Variants in NXPH1 observed in about 807,000 individuals in gnomAD.
The protein encoded by NXPH1 is neurexophilin-1.
In NXPH1, 5 loss-of-function variants were observed where a neutral mutation model predicts 23.7. The ratio of observed to expected loss-of-function variants is 0.21; its 90% confidence interval spans 0.11 to 0.44. The LOEUF (loss-of-function observed/expected upper bound fraction) is 0.44. Among genes scored for constraint, NXPH1 ranks in the 20% least tolerant of loss-of-function variants. The pLI is 0.99. For synonymous variants in NXPH1, 144 were observed against 122.2 expected (o/e 1.18, Z -1.18); for missense variants, 324 against 321.6 (o/e 1.01, Z -0.06).
At chr7:8,564,163 G>A (rs1441517862) in intron 2 of NXPH1, among the ~76,000 whole-genome samples, 1 of 151,816 alleles carries the variant, frequency 6.6e-6, no homozygotes, top group East Asian at 2.0e-4. Context: ...CAATCACCTT[G>A]CCATCCGCTT....
intron 2 of NXPH1, among the ~76,000 whole-genome samples, chr7:8,573,625 G>A (rs1249183676): frequency 6.6e-6 from 1 of 152,124 alleles, no homozygotes; most frequent in Non-Finnish European, 1.5e-5. Context: ...GCTCTTAAAT[G>A]CCAAACTAAT....
At chr7:8,707,071 A>T (rs973481076) in intron 2 of NXPH1, among the ~76,000 whole-genome samples, 2 of 152,218 alleles carry the variant, frequency 1.3e-5, no homozygotes, top group Non-Finnish European at 2.9e-5. Context: ...AAATATTTTA[A>T]TATGTTTTAA....
intron 2 of NXPH1, among the ~76,000 whole-genome samples, chr7:8,545,550 T>C (rs1439531432): frequency 1.3e-5 from 2 of 151,472 alleles, no homozygotes. Flanking sequence ...CTAATTAAAA[T>C]AAAACAAAAT....
intron 2 of NXPH1, among the ~76,000 whole-genome samples, chr7:8,748,954 T>C (rs1780518810): frequency 6.6e-6 from 1 of 152,192 alleles, no homozygotes; most frequent in Admixed American, 6.6e-5. Flanking sequence ...AGGAGACTGC[T>C]TCTTGGCTTG....
intron 2 of NXPH1, among the ~76,000 whole-genome samples, chr7:8,508,624 T>A (rs187545252): frequency 6.6e-6 from 1 of 152,150 alleles, no homozygotes; most frequent in African/African-American, 2.4e-5. Flanking sequence ...ATTTGTGAGA[T>A]CTCATATTTG....
chr7:8,628,385 T>TC (rs1265965735), intron 2 of NXPH1, among the ~76,000 whole-genome samples: 3 of 147,936 alleles, frequency 2.0e-5, no homozygotes, highest in Non-Finnish European at 3.0e-5. Flanking sequence ...TTTTTTTTTT[T>TC]AGATAATGTA....
chr7:8,469,197 GA>G (rs1205228636), intron 2 of NXPH1, among the ~76,000 whole-genome samples: 2 of 151,886 alleles, frequency 1.3e-5, no homozygotes, highest in Non-Finnish European at 2.9e-5. Flanking sequence ...CCATTATAGT[GA>G]TTTTTTTGGG....
chr7:8,653,227 C>CTT (rs1229838157), intron 2 of NXPH1, among the ~76,000 whole-genome samples: 4 of 152,008 alleles, frequency 2.6e-5, no homozygotes, highest in Non-Finnish European at 1.5e-5. Flanking sequence ...TACTATCACT[C>CTT]TTTTTAAAAA....
At chr7:8,584,812 TTATTACCTATCTCAGTGGCCTTTTCAC>T (rs2128624366) in intron 2 of NXPH1, among the ~76,000 whole-genome samples, 2 of 152,348 alleles carry the variant, frequency 1.3e-5, no homozygotes, top group East Asian at 3.9e-4. Flanking sequence ...CCATTTCAAA[TTATTACCTATCTCAGTGGCCTTTTCAC>T]ATTATTCACA....
intron 2 of NXPH1, among the ~76,000 whole-genome samples, chr7:8,526,145 A>C (rs1344462559): frequency 6.6e-6 from 1 of 152,270 alleles, no homozygotes; most frequent in Non-Finnish European, 1.5e-5. Flanking sequence ...CACTTCTTGC[A>C]TCAGCGTGAG....
chr7:8,568,261 A>G (rs1018733453), intron 2 of NXPH1, among the ~76,000 whole-genome samples: 9 of 151,892 alleles, frequency 5.9e-5, no homozygotes, highest in Non-Finnish European at 1.3e-4. Flanking sequence ...TTTCCCTTGT[A>G]TGTCTCTCTT....
At chr7:8,552,114 CAAAAAAAAAA>C (rs34390317) in intron 2 of NXPH1, among the ~76,000 whole-genome samples, 2 of 61,750 alleles carry the variant, frequency 3.2e-5, no homozygotes, top group African/African-American at 1.4e-4. Context: ...GAAAAAAAAC[CAAAAAAAAAA>C]AAAAAAAAAA....
intron 2 of NXPH1, among the ~76,000 whole-genome samples, chr7:8,662,170 T>TTATATA (rs57298280): frequency 4.8e-4 from 40 of 83,716 alleles, no homozygotes; most frequent in African/African-American, 1.5e-3. Flanking sequence ...GCATATGATT[T>TTATATA]TATATATATA....
intron 2 of NXPH1, among the ~76,000 whole-genome samples, chr7:8,726,798 G>A (rs1457749671): frequency 4.0e-5 from 6 of 150,712 alleles, no homozygotes; most frequent in Non-Finnish European, 7.4e-5. Context: ...ATAAACATAC[G>A]TGTGCATGTG....
chr7:8,495,421 C>T (rs936024034), intron 2 of NXPH1, among the ~76,000 whole-genome samples: 8 of 151,836 alleles, frequency 5.3e-5, no homozygotes, highest in Non-Finnish European at 1.0e-4. Flanking sequence ...ACCAAACAAC[C>T]GAACACCATG....
At chr7:8,595,577 T>C (rs971551922) in intron 2 of NXPH1, among the ~76,000 whole-genome samples, 44 of 152,124 alleles carry the variant, frequency 2.9e-4, no homozygotes, top group Admixed American at 3.3e-4. Flanking sequence ...TTTAATCTGC[T>C]AGGCATTTGT....
At chr7:8,448,588 G>A (rs1211283726) in intron 2 of NXPH1, among the ~76,000 whole-genome samples, 5 of 152,098 alleles carry the variant, frequency 3.3e-5, no homozygotes, top group Admixed American at 6.5e-5. Context: ...AGGCCGAGGC[G>A]GGCGGATTGC....
At chr7:8,477,860 A>G (rs1817003713) in intron 2 of NXPH1, among the ~76,000 whole-genome samples, 1 of 152,120 alleles carries the variant, frequency 6.6e-6, no homozygotes, top group Non-Finnish European at 1.5e-5. Flanking sequence ...ACGTAAGCTG[A>G]TTGTCCAGGG....
At chr7:8,669,026 A>G (rs545576808) in intron 2 of NXPH1, among the ~76,000 whole-genome samples, 3 of 152,144 alleles carry the variant, frequency 2.0e-5, no homozygotes, top group African/African-American at 7.2e-5. Context: ...GACTAGTTCT[A>G]TGAGGGCCAT....
Sources: gnomAD v4.1 joint callset for allele counts (sites outside exome capture counted in the v4.1 genomes callset) on GRCh38, gnomAD v4.1.1 for gene constraint, MANE v1.5 for transcripts, NCBI Gene and HGNC (gene_info 2026-07-23, HGNC 2026-07-21) for gene names.